Variants in RBPMS observed in about 807,000 individuals in gnomAD.
RBPMS encodes RNA-binding protein with multiple splicing.
A neutral mutation model predicts 26.8 loss-of-function variants in RBPMS; 7 were observed. The ratio of observed to expected loss-of-function variants is 0.26; its 90% CI spans 0.15 to 0.49. RBPMS has a LOEUF of 0.49. RBPMS is among the 20% of genes least tolerant of loss of function. The pLI is 0.98. For missense variants in RBPMS, 186 were observed against 250.0 expected, an observed-to-expected ratio of 0.74 and a Z score of 1.73; for synonymous variants, 96 against 93.3, an observed-to-expected ratio of 1.03 and a Z score of -0.17.
intron 5 of RBPMS, among the ~76,000 whole-genome samples, chr8:30,535,889 A>G (rs1423189903): frequency 6.6e-6 from 1 of 152,206 alleles, no homozygotes; most frequent in East Asian, 1.9e-4. Context: ...AGAGGATCAC[A>G]TGGGCTCAGG....
chr8:30,448,019 A>G (rs1814088229), intron 1 of RBPMS, among the ~76,000 whole-genome samples: 1 of 152,194 alleles, frequency 6.6e-6, no homozygotes, highest in Non-Finnish European at 1.5e-5. Context: ...CAGTGTTCCT[A>G]AATTTCCTCT....
At chr8:30,559,635 TCTAAA>T (rs2151085272) in intron 7 of RBPMS, among the ~76,000 whole-genome samples, 1 of 152,354 alleles carries the variant, frequency 6.6e-6, no homozygotes, top group African/African-American at 2.4e-5. Flanking sequence ...GCACTGTTCT[TCTAAA>T]CTCTAATTTA....
At chr8:30,500,881 G>A (rs537826838) in intron 4 of RBPMS, among the ~76,000 whole-genome samples, 48 of 152,210 alleles carry the variant, frequency 3.2e-4, no homozygotes, top group African/African-American at 1.0e-3. Context: ...TCTTCCCAGG[G>A]CTGCTCTAAT....
At chr8:30,484,882 A>G (rs1339854491) in intron 4 of RBPMS, among the ~76,000 whole-genome samples, 2 of 152,230 alleles carry the variant, frequency 1.3e-5, no homozygotes, top group Non-Finnish European at 2.9e-5. Context: ...GTTATACTAA[A>G]TAGTTTGAGC....
chr8:30,459,389 G>A (rs1418090288), intron 1 of RBPMS, among the ~76,000 whole-genome samples: 2 of 152,008 alleles, frequency 1.3e-5, no homozygotes, highest in African/African-American at 4.8e-5. Flanking sequence ...CTGAGTAGCT[G>A]GGACTACAGG....
chr8:30,490,235 C>G (rs1056694605), intron 4 of RBPMS, among the ~76,000 whole-genome samples: 3 of 152,190 alleles, frequency 2.0e-5, no homozygotes, highest in Non-Finnish European at 4.4e-5. Flanking sequence ...TGGAGCTCAT[C>G]AGGGAAACAC....
At position 30,516,903 on chromosome 8, in the gene RBPMS, T is replaced by TACACAC. The variant is rs139256402; in HGVS notation, c.397+12481_397+12486dup. On this transcript the variant is annotated intron_variant, in intron 5 of 8. Coordinates refer to ENST00000397323, the MANE Select transcript of RBPMS (RefSeq NM_001008710.3). Reference sequence around the variant, plus strand: ...AACATAGCTTGACTCCATCTCTAAATACACACACACACACACACAGACACA... The same window carrying TACACAC: ...AACATAGCTTGACTCCATCTCTAAATACACACACACACACACACACACACAGACACA... Among the ~76,000 whole-genome samples, 500 of 147,390 alleles carry TACACAC rather than the reference T, an allele frequency of 3.4e-3. 5 individuals are homozygous for TACACAC. Among genetic ancestry groups the TACACAC allele is most frequent in the Admixed American group, 6.2e-3 (90 of 14,504 alleles).
chr8:30,449,826 T>G (rs1814333578), intron 1 of RBPMS, among the ~76,000 whole-genome samples: 1 of 152,244 alleles, frequency 6.6e-6, no homozygotes, highest in Admixed American at 6.5e-5. Flanking sequence ...TCTTAGGCAT[T>G]TTGCCTTTCA....
At chr8:30,531,272 G>A (rs1824198007) in intron 5 of RBPMS, among the ~76,000 whole-genome samples, 1 of 152,122 alleles carries the variant, frequency 6.6e-6, no homozygotes, top group Non-Finnish European at 1.5e-5. Context: ...TTTAGGGAGG[G>A]AAGAAACCCC....
intron 1 of RBPMS, chr8:30,385,543 T>A: frequency 5.8e-6 from 1 of 171,202 alleles, no homozygotes; most frequent in Non-Finnish European, 1.2e-5. Context: ...GGGGGAGCAG[T>A]TTAAGGAAGA....
intron 5 of RBPMS, among the ~76,000 whole-genome samples, chr8:30,540,002 G>A (rs779747451): frequency 3.3e-5 from 5 of 152,168 alleles, no homozygotes; most frequent in Admixed American, 1.3e-4. Context: ...TGAGCTTGCC[G>A]TCCAGGAGGT....
At chr8:30,393,127 A>T (rs1318322245) in intron 1 of RBPMS, among the ~76,000 whole-genome samples, 1 of 152,222 alleles carries the variant, frequency 6.6e-6, no homozygotes, top group African/African-American at 2.4e-5. Flanking sequence ...TAATTTAGGA[A>T]CATAAAAATG....
intron 4 of RBPMS, among the ~76,000 whole-genome samples, chr8:30,496,509 AG>A (rs1819978147): frequency 6.6e-6 from 1 of 152,152 alleles, no homozygotes; most frequent in South Asian, 2.1e-4. Flanking sequence ...GTAGGGGGAA[AG>A]GGCAATGAGG....
At chr8:30,466,491 A>G (rs570361410) in intron 1 of RBPMS, among the ~76,000 whole-genome samples, 5 of 152,078 alleles carry the variant, frequency 3.3e-5, no homozygotes, top group Non-Finnish European at 7.4e-5. Context: ...GGCTGCAGTG[A>G]GCTATGATTG....
At chr8:30,551,261 C>T (rs1159418932) in intron 6 of RBPMS, among the ~76,000 whole-genome samples, 2 of 152,274 alleles carry the variant, frequency 1.3e-5, no homozygotes, top group African/African-American at 2.4e-5. Flanking sequence ...GTTAGGGAGA[C>T]GTGTTCTTTT....
At chr8:30,525,692 C>T (rs764746539) in intron 5 of RBPMS, among the ~76,000 whole-genome samples, 26 of 152,342 alleles carry the variant, frequency 1.7e-4, no homozygotes, top group Middle Eastern at 3.4e-3. Context: ...AGATTGGAAG[C>T]TGCTTGCGGG....
chr8:30,512,203 CCT>C (rs1045514109), intron 5 of RBPMS, among the ~76,000 whole-genome samples: 3 of 151,916 alleles, frequency 2.0e-5, no homozygotes, highest in African/African-American at 7.2e-5. Context: ...TACCACCTTG[CCT>C]GGGGTTTCTT....
chr8:30,551,132 C>T lies in RBPMS; in HGVS notation c.528+6508C>T, dbSNP rs545475602. On this transcript the variant is annotated intron_variant, in intron 6 of 8. Transcript: ENST00000397323. ...ACCCGAGAATCTGCCCCCGGCCAGGCAGATGCTCTCTCCCTGGTGACCCTC... is the reference window on the plus strand; with the variant it reads ...ACCCGAGAATCTGCCCCCGGCCAGGTAGATGCTCTCTCCCTGGTGACCCTC... Among the ~76,000 whole-genome samples the T allele has an allele frequency of 3.3e-5, 5 of 152,290 alleles. No homozygotes were observed. In the East Asian group the frequency reaches 5.8e-4, roughly 18 times the overall value.
intron 4 of RBPMS, among the ~76,000 whole-genome samples, chr8:30,500,133 A>G (rs1023115092): frequency 7.9e-5 from 12 of 152,172 alleles, no homozygotes; most frequent in African/African-American, 2.9e-4. Context: ...GATTTTATAA[A>G]TTATACATAG....
Sources: allele counts gnomAD v4.1 joint callset (sites outside exome capture counted in the v4.1 genomes callset), GRCh38; gene constraint gnomAD v4.1.1; transcripts MANE v1.5; gene names NCBI Gene and HGNC (gene_info 2026-07-23, HGNC 2026-07-21).